The following EXOC3L2 variants were observed in gnomAD, a reference collection of about 807,000 sequenced individuals.
EXOC3L2 encodes exocyst complex component 3-like protein 2.
A neutral mutation model predicts 44.4 loss-of-function variants in EXOC3L2; 17 were observed. That is an observed-to-expected ratio of 0.38 (90% CI 0.26 to 0.57). EXOC3L2 has a LOEUF of 0.57. Among genes scored for constraint, EXOC3L2 ranks in the 20% least tolerant of loss-of-function variants. The probability of loss-of-function intolerance (pLI) is 0.65; values close to 1 mark genes in which losing one functional copy is unlikely to be tolerated. For synonymous variants in EXOC3L2, 256 were observed against 253.7 expected (o/e 1.01, Z -0.09); for missense variants, 541 against 588.4 (o/e 0.92, Z 0.83).
intron 7 of EXOC3L2, among the ~76,000 whole-genome samples, chr19:45,227,323 G>T (rs1283845978): frequency 1.3e-5 from 2 of 150,988 alleles, no homozygotes; most frequent in Admixed American, 6.6e-5. Context: ...GGGTTTCACC[G>T]TGTTAGCCAG....
rs182768545 is a variant in EXOC3L2 at position 45,231,353 on chromosome 19, T to C, written c.1269+410A>G. On this transcript the variant is annotated intron_variant, in intron 4 of 11. Coordinates refer to ENST00000413988, the MANE Select transcript of EXOC3L2 (RefSeq NM_001382422.1). Reference sequence around the variant, plus strand: ...GAAGATCTTTGTCAGCCAGGCCTGATGGCACGTGCCTATGGTGCCAGCTAC... The same window carrying C: ...GAAGATCTTTGTCAGCCAGGCCTGACGGCACGTGCCTATGGTGCCAGCTAC... Among the ~76,000 whole-genome samples, 319 of 144,670 alleles carry C rather than the reference T, an allele frequency of 2.2e-3. 3 individuals carry two copies. Among genetic ancestry groups the C allele is most frequent in the African/African-American group, 7.6e-3 (293 of 38,756 alleles). 94.9% of individuals were successfully genotyped at this position (144,670 alleles called of 152,430 possible).
intron 1 of EXOC3L2, among the ~76,000 whole-genome samples, chr19:45,239,889 C>T (rs908982002): frequency 6.6e-6 from 1 of 151,910 alleles, no homozygotes; most frequent in African/African-American, 2.4e-5. Context: ...GGGAAGGCTC[C>T]CTCCCAAGAT....
chr19:45,236,148 G>A (rs1296249550), intron 2 of EXOC3L2, among the ~76,000 whole-genome samples: 7 of 151,916 alleles, frequency 4.6e-5, no homozygotes, highest in Non-Finnish European at 7.4e-5. Context: ...GGGGAATGTA[G>A]GTGAAAGCTG....
At chr19:45,232,075 T>G (rs973166803) in intron 3 of EXOC3L2, among the ~76,000 whole-genome samples, 1 of 152,180 alleles carries the variant, frequency 6.6e-6, no homozygotes, top group Non-Finnish European at 1.5e-5. Context: ...AGCTCCCTGA[T>G]GGATGGTGTC....
chr19:45,235,990 G>A (rs1970080645), intron 2 of EXOC3L2, among the ~76,000 whole-genome samples: 3 of 152,070 alleles, frequency 2.0e-5, no homozygotes. Context: ...ATGGGGATAG[G>A]GCCGGAGGTG....
At chr19:45,218,158 T>TTGCC in intron 9 of EXOC3L2, 39 bp downstream of exon 9, 33 of 1,034,886 alleles carry the variant, frequency 3.2e-5, no homozygotes, top group Non-Finnish European at 3.9e-5. Context: ...TCCCCTCTTT[T>TTGCC]CCCCCACCCC....
Position 45,212,909 on chromosome 19 carries a change from C to T in EXOC3L2, c.*160G>A. ...GCCACCGTGCCTGGCGTTTGTTTCC[C>T]TTCTGTACAGGGAGTTTGGGGTTGG... On this transcript the variant is annotated 3_prime_UTR_variant, in exon 12 of 12. Coordinates refer to ENST00000413988, the MANE Select transcript of EXOC3L2 (RefSeq NM_001382422.1). 1.2e-6 allele frequency: 1 copy of T among 812,160 alleles called. No individual in the cohort carries two copies. The highest frequency in any genetic ancestry group is 1.8e-6 in the Non-Finnish European group (1 of 568,090). The allele number at this position is 812,160 out of a possible 1,614,324, so 50.3% of individuals were successfully genotyped here. A position where few individuals can be genotyped will look rare whatever the true frequency, so the allele number is the denominator to read the frequency against.
chr19:45,224,578 C>A (rs964997783), intron 8 of EXOC3L2, among the ~76,000 whole-genome samples, 200 bp downstream of exon 8: 14 of 152,278 alleles, frequency 9.2e-5, no homozygotes, highest in African/African-American at 3.4e-4. Context: ...CCCCCTCCTG[C>A]TGATGGCCCT....
intron 4 of EXOC3L2, among the ~76,000 whole-genome samples, chr19:45,230,434 G>C (rs938103940): frequency 1.3e-5 from 2 of 152,204 alleles, no homozygotes; most frequent in Admixed American, 1.3e-4. Context: ...TAGCCAGGAT[G>C]GTCTCAATCT....
intron 10 of EXOC3L2, among the ~76,000 whole-genome samples, chr19:45,216,408 A>G (rs1027350337): frequency 6.6e-6 from 1 of 151,910 alleles, no homozygotes; most frequent in Non-Finnish European, 1.5e-5. Flanking sequence ...GTGAAACCCC[A>G]TCTCTACTAA....
chr19:45,231,847 G>A lies in EXOC3L2; in HGVS notation c.1185C>T (p.Ala395=), dbSNP rs138262010. The A allele has an allele frequency of 1.1e-5, 18 of 1,608,344 alleles. No homozygotes were observed. The highest frequency in any genetic ancestry group is 6.7e-5 in the African/African-American group (5 of 74,844). The stretch of plus-strand genomic sequence containing the variant: ...GCCCCAGCTCCCCATTCTCCAGGGC[G>A]GCCATGTCCACCAGCCCTAGGACCT... The part of the protein sequence containing the change: ...PREVLGLVDM[A]ALENGELGPL... The change falls in exon 4 of 12, where the codon GCC becomes GCT. Residue 395 remains alanine, a synonymous_variant. Transcript: ENST00000413988.
intron 8 of EXOC3L2, among the ~76,000 whole-genome samples, chr19:45,221,412 C>T (rs528223134): frequency 7.2e-5 from 11 of 151,876 alleles, no homozygotes; most frequent in East Asian, 1.9e-4. Context: ...GGTGCAGTGG[C>T]GCGATCTTGG....
chr19:45,237,574 G>A (rs1006299252), intron 2 of EXOC3L2, among the ~76,000 whole-genome samples: 1 of 152,166 alleles, frequency 6.6e-6, no homozygotes, highest in East Asian at 1.9e-4. Flanking sequence ...GTCTCAGATA[G>A]AGACTGATGG....
At chr19:45,237,098 CAA>C (rs1970090828) in intron 2 of EXOC3L2, among the ~76,000 whole-genome samples, 1 of 150,934 alleles carries the variant, frequency 6.6e-6, no homozygotes, top group South Asian at 2.1e-4. Flanking sequence ...AGAGTGAGAC[CAA>C]AAGAGTTTAA....
At chr19:45,229,464 T>C (rs879748758) in intron 4 of EXOC3L2, among the ~76,000 whole-genome samples, 1 of 147,332 alleles carries the variant, frequency 6.8e-6, no homozygotes, top group Admixed American at 6.9e-5. Flanking sequence ...TTATATACTA[T>C]AGCACATGAA....
intron 4 of EXOC3L2, among the ~76,000 whole-genome samples, chr19:45,229,884 TATA>T (rs1245634697): frequency 8.9e-6 from 1 of 111,986 alleles, no homozygotes; most frequent in Non-Finnish European, 1.7e-5. Flanking sequence ...AAAGCTATAA[TATA>T]ATATATTATT....
In EXOC3L2 at chr19:45,227,702, T is replaced by G. The variant is rs754375012; in HGVS notation, c.1543A>C (p.Ser515Arg). The G allele has an allele frequency of 1.2e-6, 2 of 1,613,026 alleles. No individual in the cohort carries two copies. The highest frequency in any genetic ancestry group is 3.3e-5 in the Admixed American group (2 of 59,924). The change falls in exon 7 of 12, where the codon AGC (serine) becomes CGC (arginine). Residue 515 changes from serine to arginine, a missense_variant. Physicochemically the swap from Ser to Arg is moderately radical, Grantham distance 110. Coordinates refer to ENST00000413988, the MANE Select transcript of EXOC3L2 (RefSeq NM_001382422.1). ...VREMLPDTYI[S>R]KTIALVNCGP... ...CAGTTGACCAGGGCGATGGTCTTGC[T>G]GATATAGGTGTCAGGTAGCATCTCC...
rs1317593737 is a variant in EXOC3L2 at position 45,213,370 on chromosome 19, G to T, written c.2121-13C>A. ...CACGTGCTTCTGCCTGTGGGGAGAG[G>T]AACAGACAGGTGCATGCAGATCCCC... On this transcript the variant is annotated splice_polypyrimidine_tract_variant and intron_variant, in intron 11 of 11. Transcript: ENST00000413988. 3.7e-6 allele frequency: 6 copies of T among 1,612,084 alleles called. No homozygotes were observed. The South Asian group carries it at 6.6e-5, about 18-fold the overall frequency.
At chr19:45,235,919 G>C (rs1428682387) in intron 2 of EXOC3L2, among the ~76,000 whole-genome samples, 1 of 152,158 alleles carries the variant, frequency 6.6e-6, no homozygotes, top group Non-Finnish European at 1.5e-5. Context: ...CTCAGGCACG[G>C]GAGCAGAGAT....
Sources: allele counts gnomAD v4.1 joint callset (sites outside exome capture counted in the v4.1 genomes callset), GRCh38; gene constraint gnomAD v4.1.1; transcripts MANE v1.5; gene names NCBI Gene and HGNC (gene_info 2026-07-23, HGNC 2026-07-21).